Variants in ASIC2 observed in about 807,000 individuals in gnomAD.
The protein encoded by ASIC2 is acid sensing ion channel subunit 2, also known as acid-sensing ion channel 2.
ASIC2 carries 25 observed loss-of-function variants against 57.3 expected under a neutral mutation model. The observed-to-expected ratio is 0.44, with a 90% confidence interval of 0.32 to 0.61. The LOEUF is 0.61. Ranked by LOEUF, ASIC2 falls within the 20% of genes least tolerant of loss-of-function variation. The pLI, the probability that ASIC2 is intolerant of heterozygous loss-of-function variation, is 0.06. For synonymous variants in ASIC2, 319 were observed against 307.5 expected, an observed-to-expected ratio of 1.04 and a Z score of -0.39; for missense variants, 641 against 738.1, an observed-to-expected ratio of 0.87 and a Z score of 1.52.
intron 1 of ASIC2, among the ~76,000 whole-genome samples, chr17:34,123,048 C>T (rs979002745): frequency 2.0e-5 from 3 of 152,198 alleles, no homozygotes; most frequent in African/African-American, 7.2e-5. Flanking sequence ...CATTCCCAGT[C>T]AACAGCTCTG....
At chr17:34,153,938 T>A (rs563829332) in intron 1 of ASIC2, among the ~76,000 whole-genome samples, 1 of 152,274 alleles carries the variant, frequency 6.6e-6, no homozygotes, top group Non-Finnish European at 1.5e-5. Flanking sequence ...TCTTGGGACC[T>A]CAGCAAGTAA....
chr17:34,054,419 G>C (rs1908686248), intron 1 of ASIC2, among the ~76,000 whole-genome samples: 1 of 152,160 alleles, frequency 6.6e-6, no homozygotes, highest in Non-Finnish European at 1.5e-5. Flanking sequence ...CTGGCTCACA[G>C]TATAGTGCTT....
At chr17:33,597,433 C>T (rs1458251616) in intron 1 of ASIC2, among the ~76,000 whole-genome samples, 2 of 152,168 alleles carry the variant, frequency 1.3e-5, no homozygotes, top group Non-Finnish European at 2.9e-5. Flanking sequence ...GTGCATAGGA[C>T]ATGTAGAACT....
At chr17:33,567,035 C>A (rs548867803) in intron 1 of ASIC2, among the ~76,000 whole-genome samples, 2 of 152,278 alleles carry the variant, frequency 1.3e-5, no homozygotes, top group African/African-American at 2.4e-5. Context: ...ATGAGTATTC[C>A]TTTCCTTGTT....
At chr17:33,470,288 C>T (rs1913005124) in intron 1 of ASIC2, among the ~76,000 whole-genome samples, 1 of 152,148 alleles carries the variant, frequency 6.6e-6, no homozygotes, top group South Asian at 2.1e-4. Flanking sequence ...TTCTAAAGCA[C>T]CAAGGAAACA....
Position 33,112,079 on chromosome 17 carries a change from A to AAGAGAGAG in ASIC2, c.709-20_709-13dup, listed in dbSNP as rs140895516. On this transcript the variant is annotated splice_polypyrimidine_tract_variant and intron_variant, in intron 1 of 9. Transcript: ENST00000225823. ...TATTTTGTAAACACCTGAAGGAGAG[A>AAGAGAGAG]AGAGAGAGAGAGAGAGAAGCACATG... 8.1e-7 allele frequency: 1 copy of AAGAGAGAG among 1,241,664 alleles called. No homozygotes were observed. Among genetic ancestry groups the AAGAGAGAG allele is most frequent in the Non-Finnish European group, 1.1e-6 (1 of 904,308 alleles). The allele number at this position is 1,241,664 out of a possible 1,614,324, so 76.9% of individuals were successfully genotyped here.
In ASIC2 at chr17:33,717,056, C is replaced by T. The variant is rs369813054; in HGVS notation, c.555+438922G>A. ...CTTTAAATTCCTCTAAACTTAACAA[C>T]CTCTGCCAGCTATTTCCCTGGAATC... On this transcript the variant is annotated intron_variant, in intron 1 of 9. Coordinates refer to the ASIC2 transcript ENST00000359872. Among the ~76,000 whole-genome samples the T allele has an allele frequency of 2.0e-5, 3 of 152,172 alleles. No homozygotes were observed. The East Asian group carries it at 5.8e-4, about 29-fold the overall frequency.
chr17:33,872,029 C>G (rs1477285259), intron 1 of ASIC2, among the ~76,000 whole-genome samples: 1 of 152,068 alleles, frequency 6.6e-6, no homozygotes, highest in African/African-American at 2.4e-5. Flanking sequence ...AGGCTCAGGC[C>G]CCTCCGCCAC....
intron 1 of ASIC2, among the ~76,000 whole-genome samples, chr17:33,130,829 G>C (rs944925171): frequency 6.6e-6 from 1 of 152,184 alleles, no homozygotes; most frequent in East Asian, 1.9e-4. Context: ...CTAAGCCTGC[G>C]GAGAGGGGAG....
At chr17:33,938,643 A>G (rs74767626) in intron 1 of ASIC2, among the ~76,000 whole-genome samples, 6,304 of 152,264 alleles carry the variant, frequency 0.041, 452 homozygotes, top group African/African-American at 0.14. Context: ...AAGGCAAACA[A>G]TTAGCATAGG....
intron 1 of ASIC2, among the ~76,000 whole-genome samples, chr17:33,951,757 ATTT>A (rs11418012): frequency 1.1e-4 from 15 of 135,610 alleles, no homozygotes; most frequent in Admixed American, 1.5e-4. Flanking sequence ...TAATTTTTGT[ATTT>A]TTTTTTTTTT....
At chr17:33,454,138 G>T (rs1216030336) in intron 1 of ASIC2, among the ~76,000 whole-genome samples, 2 of 152,110 alleles carry the variant, frequency 1.3e-5, no homozygotes, top group Non-Finnish European at 2.9e-5. Flanking sequence ...TTCTCTCATG[G>T]TGACATTTCT....
At chr17:33,579,062 G>C (rs977343409) in intron 1 of ASIC2, among the ~76,000 whole-genome samples, 2 of 151,972 alleles carry the variant, frequency 1.3e-5, no homozygotes, top group Non-Finnish European at 2.9e-5. Flanking sequence ...GAAGCGGGTG[G>C]ATCACTTGAG....
At chr17:33,621,423 A>G (rs1905792946) in intron 1 of ASIC2, among the ~76,000 whole-genome samples, 1 of 152,188 alleles carries the variant, frequency 6.6e-6, no homozygotes. Flanking sequence ...GGGGCGATGT[A>G]AGGAGTCGCA....
At chr17:33,029,398 G>A (rs181766550) in intron 3 of ASIC2, among the ~76,000 whole-genome samples, 493 of 152,298 alleles carry the variant, frequency 3.2e-3, no homozygotes, top group African/African-American at 0.011. Flanking sequence ...TTTGCATCTA[G>A]CTTCTTTCAC....
intron 1 of ASIC2, among the ~76,000 whole-genome samples, chr17:33,304,731 A>C (rs1022026732): frequency 6.6e-6 from 1 of 152,188 alleles, no homozygotes; most frequent in Non-Finnish European, 1.5e-5. Context: ...TGGTAGATAC[A>C]TGACCAGAGA....
intron 1 of ASIC2, among the ~76,000 whole-genome samples, chr17:33,942,785 C>A (rs56096915): frequency 0.31 from 46,646 of 151,982 alleles, 7,294 homozygotes; most frequent in Admixed American, 0.37. Flanking sequence ...CTTCATCAGC[C>A]GAGCAATGAA....
chr17:33,139,990 T>C (rs1597599100), intron 1 of ASIC2, among the ~76,000 whole-genome samples: 1 of 152,358 alleles, frequency 6.6e-6, no homozygotes, highest in East Asian at 1.9e-4. Flanking sequence ...GAGAATGTGC[T>C]ATACAGAAGG....
chr17:33,568,338 T>C (rs1208735091), intron 1 of ASIC2, among the ~76,000 whole-genome samples: 1 of 152,214 alleles, frequency 6.6e-6, no homozygotes, highest in Non-Finnish European at 1.5e-5. Flanking sequence ...ACTTTATAGC[T>C]TACAAAAAGC....
Sources: gnomAD v4.1 joint callset for allele counts (sites outside exome capture counted in the v4.1 genomes callset) on GRCh38, gnomAD v4.1.1 for gene constraint, MANE v1.5 for transcripts, NCBI Gene and HGNC (gene_info 2026-07-23, HGNC 2026-07-21) for gene names.